The following CD4 variants were observed in gnomAD, a reference collection of about 807,000 sequenced individuals.
CD4 encodes the protein T-cell surface glycoprotein CD4.
A neutral mutation model predicts 50.5 loss-of-function variants in CD4; 25 were observed. The ratio of observed to expected loss-of-function variants is 0.49; its 90% CI spans 0.36 to 0.69. CD4 has a LOEUF of 0.69. Among genes scored for constraint, CD4 ranks in the 30% least tolerant of loss-of-function variants. The pLI is 0.00. For missense variants in CD4, 456 were observed against 548.5 expected, an observed-to-expected ratio of 0.83 and a Z score of 1.68; for synonymous variants, 207 against 221.9, an observed-to-expected ratio of 0.93 and a Z score of 0.60.
intron 3 of CD4, among the ~76,000 whole-genome samples, chr12:6,801,081 T>C (rs986088337): frequency 2.6e-5 from 4 of 151,564 alleles, no homozygotes; most frequent in African/African-American, 4.8e-5. Flanking sequence ...AATTTTTGTA[T>C]TTTTTATAGA....
At position 6,819,055 on chromosome 12, in the gene CD4, G is replaced by C. The variant is rs1467612269; in HGVS notation, c.1346+141G>C. On this transcript the variant is annotated intron_variant, in intron 9 of 9. Transcript: ENST00000011653. ...GGAGTTGAGGAGGAAGAGCTGGGAG[G>C]GGTGGAGGTGAGGAGATGGGGGCTA... is the stretch of plus-strand genomic sequence containing the variant. 5 of 723,292 alleles carry C rather than the reference G, an allele frequency of 6.9e-6. No individual in the cohort carries two copies. The East Asian group carries it at 1.3e-4, about 19-fold the overall frequency. The allele number at this position is 723,292 out of a possible 1,614,324, so 44.8% of individuals were successfully genotyped here.
intron 3 of CD4, among the ~76,000 whole-genome samples, chr12:6,808,392 A>G (rs1211821282): frequency 7.6e-6 from 1 of 131,620 alleles, no homozygotes; most frequent in African/African-American, 2.7e-5. Context: ...GCGAAGTTGC[A>G]GCGAGCCGAG....
intron 5 of CD4, chr12:6,815,193 G>A (rs1246595569): frequency 3.6e-6 from 2 of 560,264 alleles, no homozygotes; most frequent in Admixed American, 7.2e-5. Flanking sequence ...CCACCCCTCA[G>A]TGTGGTGGAC....
chr12:6,819,511 GTT>G lies in CD4; in HGVS notation c.*184_*185del. 1 of 629,786 alleles carries G rather than the reference GTT, an allele frequency of 1.6e-6. No individual in the cohort carries two copies. The highest frequency in any genetic ancestry group is 2.8e-6 in the Non-Finnish European group (1 of 352,486). 39.0% of individuals were successfully genotyped at this position (629,786 alleles called of 1,614,324 possible). A position where few individuals can be genotyped will look rare whatever the true frequency, so the allele number is the denominator to read the frequency against. On this transcript the variant is annotated 3_prime_UTR_variant, in exon 10 of 10. Transcript: ENST00000011653. ...TTCACTGGTTGAGTGTTGCTCTCTA[GTT>G]TCCAGAGGCTTAATCACACCGTCCT...
intron 4 of CD4, chr12:6,814,541 G>A: frequency 1.5e-6 from 1 of 656,368 alleles, no homozygotes; most frequent in South Asian, 1.8e-5. Context: ...AGGGAAGGAG[G>A]GAGAGAGACT....
chr12:6,818,772 C>T lies in CD4; in HGVS notation c.1279-75C>T, dbSNP rs1363497455. 1 of 1,382,114 alleles carries T rather than the reference C, an allele frequency of 7.2e-7. No homozygotes were observed. The highest frequency in any genetic ancestry group is 1.0e-6 in the Non-Finnish European group (1 of 968,950). The allele number at this position is 1,382,114 out of a possible 1,614,324, so 85.6% of individuals were successfully genotyped here. On this transcript the variant is annotated intron_variant, in intron 8 of 9. Transcript: ENST00000011653. The surrounding 1 kb of genome is among the most constrained non-coding windows in gnomAD (Gnocchi z 5.0). ...CTGCTTCTCCTGTCGCAGCTTCCCC[C>T]ACTCCCCCCACCAAGGGGCACCTCC... is the stretch of plus-strand genomic sequence containing the variant.
chr12:6,800,241 G>A, intron 2 of CD4, 54 bp downstream of exon 2: 4 of 1,612,670 alleles, frequency 2.5e-6, no homozygotes, highest in Non-Finnish European at 3.4e-6. Context: ...GAAAGGCAAA[G>A]GTGGAGGATG....
At chr12:6,815,932 C>A in intron 5 of CD4, 124 bp from the exon 6 acceptor site, 1 of 1,527,154 alleles carries the variant, frequency 6.5e-7, no homozygotes, top group Non-Finnish European at 8.8e-7. Flanking sequence ...TCTGAAGTGA[C>A]AAGGTGGGTG....
chr12:6,818,432 T>A lies in CD4; in HGVS notation c.1168T>A (p.Trp390Arg). 1 of 1,612,654 alleles carries A rather than the reference T, an allele frequency of 6.2e-7. No individual in the cohort carries two copies. Among genetic ancestry groups the A allele is most frequent in the African/African-American group, 1.3e-5 (1 of 75,042 alleles). Reference sequence around the variant, plus strand: ...TCTCTCCCTTGCAGTTCTGCCCACATGGTCCACCCCGGTGCAGCCAATGGC... The same window carrying A: ...TCTCTCCCTTGCAGTTCTGCCCACAAGGTCCACCCCGGTGCAGCCAATGGC... ...LESNIKVLPT[W>R]STPVQPMALI... is the part of the protein sequence containing the mutation. Residue 390 changes from tryptophan to arginine, a missense_variant, in exon 8 of 10, where the codon TGG (tryptophan) becomes AGG (arginine). Trp to Arg is a moderately radical substitution (Grantham distance 101, BLOSUM62 -3). Transcript: ENST00000011653. This position sits in a 1 kb window ranked among gnomAD's most constrained non-coding sequence, Gnocchi z 5.0.
intron 3 of CD4, among the ~76,000 whole-genome samples, chr12:6,803,794 A>G (rs1472203983): frequency 2.0e-5 from 3 of 149,578 alleles, no homozygotes; most frequent in Non-Finnish European, 3.0e-5. Context: ...CAAAAAATAA[A>G]TAAATAAATA....
intron 1 of CD4, among the ~76,000 whole-genome samples, chr12:6,797,284 ACT>A (rs1365622800): frequency 6.6e-6 from 1 of 150,754 alleles, no homozygotes; most frequent in African/African-American, 2.4e-5. Context: ...CGCACAGGAA[ACT>A]CTCCTTCATC....
intron 3 of CD4, among the ~76,000 whole-genome samples, chr12:6,802,035 G>A (rs782583987): frequency 1.3e-5 from 2 of 151,254 alleles, no homozygotes; most frequent in African/African-American, 2.4e-5. Context: ...CACCATGCCC[G>A]GCTAATTTGC....
intron 1 of CD4, among the ~76,000 whole-genome samples, chr12:6,790,057 G>A (rs1231670441): frequency 1.3e-5 from 2 of 152,096 alleles, no homozygotes; most frequent in Non-Finnish European, 2.9e-5. Context: ...GAGAAAAAGA[G>A]TGAAGAAGGG....
rs10667545 is a variant in CD4 at position 6,795,098 on chromosome 12, CTCTA to C, written c.-67-4937_-67-4934del. ...ACTGTGTCTGTCCCTAAATGTCTGT[CTCTA>C]TCTATCTATCTATCTATCTATCTAT... On this transcript the variant is annotated intron_variant, in intron 1 of 9. Coordinates refer to ENST00000011653, the MANE Select transcript of CD4 (RefSeq NM_000616.5). Among the ~76,000 whole-genome samples, 605 of 147,212 alleles carry C rather than the reference CTCTA, an allele frequency of 4.1e-3. 4 individuals carry two copies. Among genetic ancestry groups the C allele is most frequent in the African/African-American group, 0.011 (419 of 39,726 alleles).
chr12:6,811,636 G>T (rs1360189222), intron 3 of CD4, among the ~76,000 whole-genome samples: 1 of 149,982 alleles, frequency 6.7e-6, no homozygotes, highest in African/African-American at 2.4e-5. Context: ...GGGATTACAG[G>T]CATGCGTCAC....
intron 3 of CD4, among the ~76,000 whole-genome samples, chr12:6,812,863 T>C (rs1942979073): frequency 6.9e-6 from 1 of 145,404 alleles, no homozygotes; most frequent in Admixed American, 7.0e-5. Context: ...GCGATCTCAC[T>C]GCAAACTCTG....
chr12:6,791,378 G>T lies in CD4; in HGVS notation c.-68+1716G>T, dbSNP rs188717717. ...CTGCCTCAGCCTCTTGAGTAGCTGG[G>T]ATTACAGGAGCCCAACACCACGCCC... On this transcript the variant is annotated intron_variant, in intron 1 of 9. Coordinates refer to ENST00000011653, the MANE Select transcript of CD4 (RefSeq NM_000616.5). Among the ~76,000 whole-genome samples, 23 of 152,314 alleles carry T rather than the reference G, an allele frequency of 1.5e-4. No individual in the cohort carries two copies. In the East Asian group the frequency reaches 4.2e-3, roughly 28 times the overall value.
rs782556509 is a variant in CD4, at chr12:6,818,408, C to T, written c.1157-13C>T. 1.2e-6 allele frequency: 2 copies of T among 1,611,754 alleles called. No homozygotes were observed. The highest frequency in any genetic ancestry group is 2.2e-5 in the South Asian group (2 of 91,080). Reference sequence around the variant, plus strand: ...GGAGGGCGGTGCATTGAGCACATTTCTCTCCCTTGCAGTTCTGCCCACATG... The same window carrying T: ...GGAGGGCGGTGCATTGAGCACATTTTTCTCCCTTGCAGTTCTGCCCACATG... On this transcript the variant is annotated splice_polypyrimidine_tract_variant and intron_variant, in intron 7 of 9. Coordinates refer to ENST00000011653, the MANE Select transcript of CD4 (RefSeq NM_000616.5). The surrounding 1 kb of genome is among the most constrained non-coding windows in gnomAD (Gnocchi z 5.0).
Position 6,814,932 on chromosome 12 carries a change from A to C in CD4, c.547A>C (p.Thr183Pro), listed in dbSNP as rs782286025. The change falls in exon 5 of 10, where the codon ACA becomes CCA. Residue 183 changes from threonine (T) to proline (P), a missense_variant. Coordinates refer to ENST00000011653, the MANE Select transcript of CD4 (RefSeq NM_000616.5). ...QLELQDSGTW[T>P]CTVLQNQKKV... ...GGAGCTCCAGGATAGTGGCACCTGGACATGCACTGTCTTGCAGAACCAGAA... is the reference window on the plus strand; with the variant it reads ...GGAGCTCCAGGATAGTGGCACCTGGCCATGCACTGTCTTGCAGAACCAGAA... The C allele has an allele frequency of 1.2e-6, 2 of 1,613,722 alleles. No individual in the cohort carries two copies. The highest frequency in any genetic ancestry group is 8.5e-7 in the Non-Finnish European group (1 of 1,179,772).
Sources: allele counts gnomAD v4.1 joint callset (sites outside exome capture counted in the v4.1 genomes callset), GRCh38; gene constraint gnomAD v4.1.1; non-coding constraint Gnocchi (gnomAD v3.1); transcripts MANE v1.5; gene names NCBI Gene and HGNC (gene_info 2026-07-23, HGNC 2026-07-21).